The following ADGRG4 variants were observed in gnomAD, a reference collection of about 807,000 sequenced individuals.
ADGRG4 encodes G protein-coupled receptor 112.
ADGRG4 carries 122 observed loss-of-function variants against 126.2 expected under a neutral mutation model. The ratio of observed to expected loss-of-function variants is 0.97; its 90% CI spans 0.83 to 1.12. The LOEUF is 1.12. ADGRG4 is among the 50% of genes most tolerant of loss of function. The probability of loss-of-function intolerance (pLI) is 0.00; values close to 1 mark genes in which losing one functional copy is unlikely to be tolerated. For missense variants in ADGRG4, 2,481 were observed against 2,251.8 expected (o/e 1.10, Z -2.06); for synonymous variants, 943 against 838.7 (o/e 1.12, Z -2.15).
chrX:136,318,460 C>T (rs765727536), intron 4 of ADGRG4, among the ~76,000 whole-genome samples: 4 of 111,381 alleles, frequency 3.6e-5, no homozygotes, highest in Non-Finnish European at 5.7e-5. Context: ...TAGATAATGG[C>T]GATAGTTGCA....
At chrX:136,301,700 T>C (rs945619559) in intron 1 of ADGRG4, among the ~76,000 whole-genome samples, 7 of 112,015 alleles carry the variant, frequency 6.2e-5, no homozygotes, top group African/African-American at 2.3e-4. Context: ...TCTTCTAGGG[T>C]TTTTATGGTT....
chrX:136,314,818 T>C (rs1041859301), intron 4 of ADGRG4, among the ~76,000 whole-genome samples: 6 of 112,503 alleles, frequency 5.3e-5, no homozygotes, highest in Admixed American at 4.7e-4. Flanking sequence ...CACTGACACA[T>C]AGTCAATGCT....
At chrX:136,414,929 AG>A (rs951337861) in intron 25 of ADGRG4, among the ~76,000 whole-genome samples, 3 of 112,425 alleles carry the variant, frequency 2.7e-5, no homozygotes, top group Non-Finnish European at 5.6e-5. Context: ...ACAGATGTTC[AG>A]TTGGGAATGG....
Position 136,349,781 on chromosome X carries a change from T to A in ADGRG4, c.6075T>A (p.Asn2025Lys). 1 of 1,210,569 alleles carries A rather than the reference T, an allele frequency of 8.3e-7. No individual in the cohort carries two copies. Among genetic ancestry groups the A allele is most frequent in the Non-Finnish European group, 1.1e-6 (1 of 894,854 alleles). Residue 2025 changes from asparagine to lysine, a missense_variant, in exon 6 of 26, where the codon AAT becomes AAA. Transcript: ENST00000394143. ...GCTCCCCTCCGGCAACTGTATCTAA[T>A]GCCCCTCATGTTATGACTTCCTCTA... Reference protein sequence around the residue: ...PSGSPPATVSNAPHVMTSSTV... With the variant: ...PSGSPPATVSKAPHVMTSSTV...
At chrX:136,350,977 T>C (rs2075058794) in intron 6 of ADGRG4, among the ~76,000 whole-genome samples, 1 of 111,893 alleles carries the variant, frequency 8.9e-6, no homozygotes, top group South Asian at 3.7e-4. Flanking sequence ...TTTGGAATAT[T>C]CCTGCAACTT....
Position 136,322,723 on chromosome X carries a change from A to T in ADGRG4, c.71-55A>T. 4.6e-6 allele frequency: 5 copies of T among 1,097,110 alleles called. No individual in the cohort carries two copies. In the South Asian group the frequency reaches 1.1e-4, roughly 24 times the overall value. 90.4% of individuals were successfully genotyped at this position (1,097,110 alleles called of 1,213,427 possible). A position where few individuals can be genotyped will look rare whatever the true frequency, so the allele number is the denominator to read the frequency against. ...CTGTATTGCCAAATACAATAAAACA[A>T]TTTTTAACAGAAATTTCATTTGTTT... On this transcript the variant is annotated intron_variant, in intron 4 of 25. Coordinates refer to ENST00000394143, the MANE Select transcript of ADGRG4 (RefSeq NM_153834.4).
At chrX:136,353,963 T>G (rs1284454873) in intron 8 of ADGRG4, among the ~76,000 whole-genome samples, 2 of 111,421 alleles carry the variant, frequency 1.8e-5, no homozygotes, top group African/African-American at 6.5e-5. Context: ...CCTGTATTCT[T>G]TCGCTGCACA....
chrX:136,345,083 T>G lies in ADGRG4; in HGVS notation c.1377T>G (p.Thr459=). The change falls in exon 6 of 26, where the codon ACT becomes ACG. Residue 459 remains threonine, a synonymous_variant. Transcript: ENST00000394143. ...TGGAAAAGACTTCACCTGCATCTAC[T>G]CATGTTGGGACTGCATCATCATTCC... is the stretch of plus-strand genomic sequence containing the variant. ...FTVEKTSPAS[T]HVGTASSFPP... 3 of 1,210,809 alleles carry G rather than the reference T, an allele frequency of 2.5e-6. No homozygotes were observed. The highest frequency in any genetic ancestry group is 3.4e-6 in the Non-Finnish European group (3 of 894,631).
intron 4 of ADGRG4, among the ~76,000 whole-genome samples, chrX:136,311,738 C>A (rs1237168301): frequency 1.8e-5 from 2 of 111,512 alleles, no homozygotes; most frequent in Non-Finnish European, 3.8e-5. Flanking sequence ...GCTGTAGAGA[C>A]AAACTAGGCC....
chrX:136,302,874 C>G (rs1416984640), intron 1 of ADGRG4, among the ~76,000 whole-genome samples: 1 of 111,949 alleles, frequency 8.9e-6, no homozygotes, highest in East Asian at 2.8e-4. Flanking sequence ...TCACCATTAA[C>G]TCATGATCAT....
rs1423761958 is a variant in ADGRG4 at position 136,384,904 on chromosome X, TTTGTACTTATCC to T, written c.7777-2834_7777-2823del. On this transcript the variant is annotated intron_variant, in intron 15 of 25. Transcript: ENST00000394143. Reference sequence around the variant, plus strand: ...TATATGCCTGGGCATTTTTTTTTTCTTTGTACTTATCCTGCTAAGGGTTTGCTGAGCTTCTTG... The same window carrying T: ...TATATGCCTGGGCATTTTTTTTTTCTTGCTAAGGGTTTGCTGAGCTTCTTG... Among the ~76,000 whole-genome samples the T allele has an allele frequency of 3.6e-5, 4 of 111,418 alleles. No individual in the cohort carries two copies. In the East Asian group the frequency reaches 1.1e-3, roughly 31 times the overall value.
At chrX:136,335,685 A>G (rs2074944268) in intron 5 of ADGRG4, among the ~76,000 whole-genome samples, 1 of 111,412 alleles carries the variant, frequency 9.0e-6, no homozygotes, top group African/African-American at 3.3e-5. Flanking sequence ...TTGTCTTTTT[A>G]ATTGCTGCAG....
At chrX:136,342,513 G>A (rs192097215) in intron 5 of ADGRG4, among the ~76,000 whole-genome samples, 1 of 111,400 alleles carries the variant, frequency 9.0e-6, no homozygotes, top group East Asian at 2.8e-4. Context: ...AGAGGTATGA[G>A]GCGTCATAAG....
chrX:136,372,119 C>T (rs2075198505), intron 14 of ADGRG4, among the ~76,000 whole-genome samples: 1 of 110,583 alleles, frequency 9.0e-6, no homozygotes, highest in African/African-American at 3.3e-5. Flanking sequence ...CAAACCAAAC[C>T]CCCAGTCTAT....
chrX:136,403,189 T>G, intron 21 of ADGRG4, 55 bp from the exon 22 acceptor site: 1 of 899,615 alleles, frequency 1.1e-6, no homozygotes, highest in Non-Finnish European at 1.6e-6. Context: ...AGTCATTGAT[T>G]AGGTTGCCTC....
chrX:136,332,312 A>G (rs1184617914), intron 5 of ADGRG4, among the ~76,000 whole-genome samples: 11 of 106,436 alleles, frequency 1.0e-4, no homozygotes, highest in African/African-American at 3.8e-4. Context: ...AATTTCATCC[A>G]TGTCCCTACA....
chrX:136,320,342 G>A (rs975617661), intron 4 of ADGRG4, among the ~76,000 whole-genome samples: 1 of 112,009 alleles, frequency 8.9e-6, no homozygotes, highest in Non-Finnish European at 1.9e-5. Flanking sequence ...ATACAATTAA[G>A]ATTGCCATAG....
Position 136,348,152 on chromosome X carries a change from C to A in ADGRG4, c.4446C>A (p.Ser1482=), listed in dbSNP as rs188598421. The change falls in exon 6 of 26, where the codon TCC becomes TCA. Residue 1482 remains serine, a synonymous_variant. Transcript: ENST00000394143. ...GLYNDGFTVL[S]DRITTAFSVP... ...ATAATGACGGTTTTACAGTTCTCTC[C>A]GACAGGATCACTACAGCCTTTTCTG... 4.1e-6 allele frequency: 5 copies of A among 1,207,525 alleles called. No individual in the cohort carries two copies. Among genetic ancestry groups the A allele is most frequent in the Non-Finnish European group, 5.6e-6 (5 of 893,248 alleles).
chrX:136,325,492 G>T (rs2074866324), intron 5 of ADGRG4, among the ~76,000 whole-genome samples: 1 of 111,672 alleles, frequency 9.0e-6, no homozygotes, highest in South Asian at 3.7e-4. Context: ...AGTAGGTTAA[G>T]CCTGAACAGC....
Sources: allele counts gnomAD v4.1 joint callset (sites outside exome capture counted in the v4.1 genomes callset), GRCh38; gene constraint gnomAD v4.1.1; transcripts MANE v1.5; gene names NCBI Gene and HGNC (gene_info 2026-07-23, HGNC 2026-07-21).